Variants in CPB1 observed in about 807,000 individuals in gnomAD.
The protein encoded by CPB1 is carboxypeptidase B1.
In CPB1, 53 loss-of-function variants were observed where a neutral mutation model predicts 51.4. The ratio of observed to expected loss-of-function variants is 1.03; its 90% CI spans 0.83 to 1.30. The LOEUF is 1.30. Among genes scored for constraint, CPB1 ranks in the 50% most tolerant of loss-of-function variants. The pLI is 0.00. For synonymous variants in CPB1, 189 were observed against 186.9 expected (o/e 1.01, Z -0.09); for missense variants, 494 against 516.2 (o/e 0.96, Z 0.42).
intron 8 of CPB1, 90 bp downstream of exon 8, chr3:148,844,857 G>C: frequency 8.4e-7 from 1 of 1,187,052 alleles, no homozygotes; most frequent in Non-Finnish European, 1.2e-6. Context: ...AATAAAAAAA[G>C]CAAGTTTTAT....
chr3:148,828,936 A>G (rs1239372821), intron 2 of CPB1, among the ~76,000 whole-genome samples: 6 of 152,198 alleles, frequency 3.9e-5, no homozygotes, highest in Non-Finnish European at 8.8e-5. Flanking sequence ...CTATTCCAGC[A>G]ATCCACTCAA....
rs750406942 is a variant in CPB1 at position 148,857,506 on chromosome 3, C to G, written c.1031C>G (p.Thr344Ser). The part of the protein sequence containing the change: ...TVKELASLHG[T>S]KYTYGPGATT... The stretch of plus-strand genomic sequence containing the variant: ...AAAGAACTTGCCTCACTGCACGGCA[C>G]CAAGTACACATATGGCCCGGGAGCT... Residue 344 changes from threonine to serine, a missense_variant, in exon 10 of 11, where the codon ACC becomes AGC. Physicochemically the swap from Thr to Ser is moderately conservative, Grantham distance 58. Transcript: ENST00000282957. 1 of 1,613,862 alleles carries G rather than the reference C, an allele frequency of 6.2e-7. No individual in the cohort carries two copies. Among genetic ancestry groups the G allele is most frequent in the Non-Finnish European group, 8.5e-7 (1 of 1,179,938 alleles).
At chr3:148,835,438 G>A (rs1055727667) in intron 3 of CPB1, among the ~76,000 whole-genome samples, 3 of 152,164 alleles carry the variant, frequency 2.0e-5, no homozygotes, top group Admixed American at 1.3e-4. Flanking sequence ...AGGGGTCAGG[G>A]AGGGCTGTCC....
intron 3 of CPB1, among the ~76,000 whole-genome samples, chr3:148,837,606 C>G (rs1254125365): frequency 6.6e-6 from 1 of 151,842 alleles, no homozygotes; most frequent in Non-Finnish European, 1.5e-5. Context: ...AGAATGGAAG[C>G]TCATTATTTA....
At chr3:148,829,176 T>G (rs544861453) in intron 2 of CPB1, among the ~76,000 whole-genome samples, 1 of 152,348 alleles carries the variant, frequency 6.6e-6, no homozygotes, top group South Asian at 2.1e-4. Flanking sequence ...TTTATCTTTT[T>G]CAAGCTTTCC....
Position 148,845,621 on chromosome 3 carries a change from G to A in CPB1, c.976G>A (p.Glu326Lys). 1.2e-6 allele frequency: 2 copies of A among 1,611,808 alleles called. No homozygotes were observed. The highest frequency in any genetic ancestry group is 1.7e-6 in the Non-Finnish European group (2 of 1,178,054). The change falls in exon 9 of 11, where the codon GAG (glutamate) becomes AAG (lysine). Residue 326 changes from glutamate to lysine, a missense_variant. Glu to Lys is a moderately conservative substitution (Grantham distance 56, BLOSUM62 1). Coordinates refer to ENST00000282957, the MANE Select transcript of CPB1 (RefSeq NM_001871.3). ...YAYKLGENNA[E>K]LNALAKATVK... is the part of the protein sequence containing the mutation. The stretch of plus-strand genomic sequence containing the variant: ...TTACAAACTCGGTGAGAACAATGCT[G>A]AGTTGGTAAGTAGCAAAGTAGTAGG...
chr3:148,845,547 T>G lies in CPB1; in HGVS notation c.902T>G (p.Leu301Arg), dbSNP rs1327705667. 6.2e-7 allele frequency: 1 copy of G among 1,613,988 alleles called. No homozygotes were observed. Among genetic ancestry groups the G allele is most frequent in the East Asian group, 2.2e-5 (1 of 44,880 alleles). The change falls in exon 9 of 11, where the codon CTG becomes CGG. Residue 301 changes from leucine to arginine, a missense_variant. Physicochemically the swap from Leu to Arg is moderately radical, Grantham distance 102 (BLOSUM62 -2). Coordinates refer to ENST00000282957, the MANE Select transcript of CPB1 (RefSeq NM_001871.3). ...AAACTCTCTTCCATCAAGGCATATC[T>G]GACAATCCACTCGTACTCCCAAATG... ...RNKLSSIKAYLTIHSYSQMMI... is the reference protein window; with the variant it reads ...RNKLSSIKAYRTIHSYSQMMI...
In CPB1 at chr3:148,840,779, G is replaced by A. The variant is rs371706640; in HGVS notation, c.366G>A (p.Trp122Ter). ...ACAGTTATGAGAAGTACAACAAGTGGGAAACGGTATGATGTGCACATGATT... is the reference window on the plus strand; with the variant it reads ...ACAGTTATGAGAAGTACAACAAGTGAGAAACGGTATGATGTGCACATGATT... ...TGHSYEKYNK[W>*]ETIEAWTQQV... The change falls in exon 4 of 11, where the codon TGG becomes TGA. Residue 122 changes from tryptophan (W) to a stop codon, truncating the protein, a stop_gained. Transcript: ENST00000282957. LOFTEE classifies it high-confidence loss of function. 2.5e-6 allele frequency: 4 copies of A among 1,614,052 alleles called. No individual in the cohort carries two copies. The highest frequency in any genetic ancestry group is 2.5e-6 in the Non-Finnish European group (3 of 1,179,956).
intron 9 of CPB1, chr3:148,855,200 G>T (rs1713539120): frequency 6.6e-6 from 1 of 152,210 alleles, no homozygotes; most frequent in African/African-American, 2.4e-5. Context: ...GATGAGAGAT[G>T]AGGTGGATAT....
intron 3 of CPB1, among the ~76,000 whole-genome samples, chr3:148,835,416 T>A (rs188838609): frequency 9.8e-4 from 149 of 152,286 alleles, no homozygotes; most frequent in Non-Finnish European, 1.6e-3. Flanking sequence ...TTCAGAAGAA[T>A]AGAGCAAGTC....
At chr3:148,842,749 G>T (rs1446311013) in intron 6 of CPB1, among the ~76,000 whole-genome samples, 1 of 152,064 alleles carries the variant, frequency 6.6e-6, no homozygotes, top group Non-Finnish European at 1.5e-5. Flanking sequence ...CTCGCAAAAA[G>T]TATTAATTAT....
chr3:148,829,394 C>A (rs938032925), intron 2 of CPB1, among the ~76,000 whole-genome samples: 1 of 152,138 alleles, frequency 6.6e-6, no homozygotes, highest in Non-Finnish European at 1.5e-5. Context: ...GCCTAAGATT[C>A]TTTTTAGCAT....
intron 2 of CPB1, among the ~76,000 whole-genome samples, chr3:148,833,958 A>AAT (rs34468778): frequency 0.31 from 46,684 of 151,940 alleles, 7,503 homozygotes; most frequent in Non-Finnish European, 0.36. Flanking sequence ...CCACAGTGTC[A>AAT]ATATACCCAT....
At chr3:148,844,897 C>CAAAA in intron 8 of CPB1, 130 bp downstream of exon 8, 1 of 609,838 alleles carries the variant, frequency 1.6e-6, no homozygotes. Flanking sequence ...CTAAAAGCAC[C>CAAAA]AAAAAAAAAA....
intron 9 of CPB1, chr3:148,850,930 G>T (rs1713408416): frequency 6.6e-6 from 1 of 152,120 alleles, no homozygotes; most frequent in African/African-American, 2.4e-5. Flanking sequence ...GACAAACTCA[G>T]AATTCATTTA....
chr3:148,830,858 G>A lies in CPB1; in HGVS notation c.147+2781G>A, dbSNP rs539815187. Among the ~76,000 whole-genome samples the A allele has an allele frequency of 3.1e-4, 47 of 152,274 alleles. 1 individual carries two copies. The highest frequency in any genetic ancestry group is 1.2e-3 in the Admixed American group (19 of 15,294). ...AAACATCATGCTTTAGCTCCAAGCA[G>A]TGGGACACATATTTCTTCTTTATTC... On this transcript the variant is annotated intron_variant, in intron 2 of 10. Coordinates refer to ENST00000282957, the MANE Select transcript of CPB1 (RefSeq NM_001871.3).
At position 148,852,359 on chromosome 3, in the gene CPB1, C is replaced by T. The variant is rs73866675; in HGVS notation, c.982-5098C>T. 3.9e-3 allele frequency among the ~76,000 whole-genome samples: 587 copies of T among 152,282 alleles called. 3 individuals carry two copies. Among genetic ancestry groups the T allele is most frequent in the African/African-American group, 0.011 (468 of 41,544 alleles). ...TGGTTGTCATAACTGTCGAGCTCTA[C>T]TGGCATCTAGTGAGTAGAGGCCAAG... On this transcript the variant is annotated intron_variant, in intron 9 of 10. Transcript: ENST00000282957.
intron 9 of CPB1, among the ~76,000 whole-genome samples, chr3:148,853,814 C>T (rs911128207): frequency 6.6e-6 from 1 of 152,160 alleles, no homozygotes; most frequent in Non-Finnish European, 1.5e-5. Flanking sequence ...GCTGTGTGCC[C>T]TTGAGCAAGT....
chr3:148,844,766 T>C lies in CPB1; in HGVS notation c.777T>C (p.Cys259=). ...DPNRNFDAGW[C]EIGASRNPCD... ...ACAGAAATTTTGATGCTGGTTGGTG[T>C]GGTAAGTATCTGGCTAGCCATTTTG... The change falls in exon 8 of 11, where the codon TGT becomes TGC. Residue 259 remains cysteine, a splice_region_variant and synonymous_variant. Coordinates refer to ENST00000282957, the MANE Select transcript of CPB1 (RefSeq NM_001871.3). 1.2e-6 allele frequency: 2 copies of C among 1,613,642 alleles called. No individual in the cohort carries two copies. Among genetic ancestry groups the C allele is most frequent in the Non-Finnish European group, 1.7e-6 (2 of 1,179,608 alleles).
Sources: gnomAD v4.1 joint callset for allele counts (sites outside exome capture counted in the v4.1 genomes callset) on GRCh38, gnomAD v4.1.1 for gene constraint, MANE v1.5 for transcripts, NCBI Gene and HGNC (gene_info 2026-07-23, HGNC 2026-07-21) for gene names.